Variants in LINGO1 observed in about 807,000 individuals in gnomAD.
LINGO1 encodes the protein leucine-rich repeat and immunoglobulin-like domain-containing nogo receptor-interacting protein 1.
LINGO1 carries 11 observed loss-of-function variants against 37.3 expected under a neutral mutation model. The ratio of observed to expected loss-of-function variants is 0.29; its 90% CI spans 0.19 to 0.49. The LOEUF is 0.49. LINGO1 is among the 20% of genes least tolerant of loss of function. The pLI is 0.99. For synonymous variants in LINGO1, 387 were observed against 403.0 expected, an observed-to-expected ratio of 0.96 and a Z score of 0.48; for missense variants, 585 against 878.2, an observed-to-expected ratio of 0.67 and a Z score of 4.22.
intron 1 of LINGO1, among the ~76,000 whole-genome samples, chr15:77,784,120 C>G (rs1325752941): frequency 6.6e-6 from 1 of 152,248 alleles, no homozygotes; most frequent in African/African-American, 2.4e-5. Context: ...CTGTCAGGAC[C>G]CTCCTTTGGG....
chr15:77,799,628 TTC>T (rs1226769149), intron 1 of LINGO1, among the ~76,000 whole-genome samples: 1 of 152,158 alleles, frequency 6.6e-6, no homozygotes, highest in Admixed American at 6.5e-5. Flanking sequence ...TCCTTGCCCT[TTC>T]TCTCTCTCTT....
chr15:77,621,932 G>C (rs1389679910), intron 1 of LINGO1, among the ~76,000 whole-genome samples: 1 of 152,230 alleles, frequency 6.6e-6, no homozygotes, highest in Non-Finnish European at 1.5e-5. Context: ...ATGCGATCTG[G>C]CATGGAGGCG....
intron 1 of LINGO1, among the ~76,000 whole-genome samples, chr15:77,751,530 G>C (rs1421850210): frequency 1.3e-5 from 2 of 152,144 alleles, no homozygotes; most frequent in Non-Finnish European, 2.9e-5. Context: ...ATGGGGTAGG[G>C]GGGACACAGA....
chr15:77,818,709 T>A (rs777348337), intron 1 of LINGO1, among the ~76,000 whole-genome samples: 1 of 152,050 alleles, frequency 6.6e-6, no homozygotes, highest in Non-Finnish European at 1.5e-5. Flanking sequence ...TCCCAGGCCC[T>A]GGGCCTGGGA....
intron 1 of LINGO1, among the ~76,000 whole-genome samples, chr15:77,804,908 G>A (rs1044372845): frequency 2.0e-5 from 3 of 152,222 alleles, no homozygotes. Context: ...GGGGCCAAGG[G>A]AGCCCAAGGG....
intron 3 of LINGO1, among the ~76,000 whole-genome samples, chr15:77,658,519 C>T (rs1178873592): frequency 6.6e-6 from 1 of 152,192 alleles, no homozygotes; most frequent in African/African-American, 2.4e-5. Context: ...CAGCTCAAGG[C>T]CAGGGGAAGG....
intron 1 of LINGO1, among the ~76,000 whole-genome samples, chr15:77,742,754 C>T (rs1011330374): frequency 1.3e-5 from 2 of 152,184 alleles, no homozygotes; most frequent in Admixed American, 1.3e-4. Flanking sequence ...GTGTGCTGTC[C>T]AGGGAGAGTG....
At chr15:77,682,313 T>TGTGTGTGTGTGTGTGTGTGTG (rs755151935) in intron 2 of LINGO1, among the ~76,000 whole-genome samples, 2 of 146,186 alleles carry the variant, frequency 1.4e-5, no homozygotes, top group Non-Finnish European at 1.5e-5. Flanking sequence ...TGTGTGTGTG[T>TGTGTGTGTGTGTGTGTGTGTG]AGTGTCTCGT....
chr15:77,751,026 C>T (rs913562548), intron 1 of LINGO1, among the ~76,000 whole-genome samples: 19 of 152,206 alleles, frequency 1.2e-4, no homozygotes, highest in African/African-American at 3.6e-4. Flanking sequence ...GAGGGTATTC[C>T]GCGGACCATA....
At chr15:77,758,681 C>T (rs77222948) in intron 1 of LINGO1, among the ~76,000 whole-genome samples, 4,968 of 152,202 alleles carry the variant, frequency 0.033, 266 homozygotes, top group African/African-American at 0.11. Flanking sequence ...CATTGGCAAG[C>T]TGCTTACCCT....
intron 1 of LINGO1, among the ~76,000 whole-genome samples, chr15:77,765,846 TCAGCCATGGGG>T: frequency 6.6e-6 from 1 of 152,226 alleles, no homozygotes; most frequent in South Asian, 2.1e-4. Context: ...CCCAGGAAGA[TCAGCCATGGGG>T]CAGCCATGGT....
At chr15:77,678,895 T>A in intron 2 of LINGO1, among the ~76,000 whole-genome samples, 1 of 152,222 alleles carries the variant, frequency 6.6e-6, no homozygotes, top group African/African-American at 2.4e-5. Flanking sequence ...TTTTTGTTTT[T>A]TGTTTTTGTT....
intron 1 of LINGO1, among the ~76,000 whole-genome samples, chr15:77,765,024 C>A (rs990837395): frequency 6.6e-6 from 1 of 152,204 alleles, no homozygotes; most frequent in East Asian, 1.9e-4. Flanking sequence ...CTTTTCTGTG[C>A]ATAAATCCAC....
At chr15:77,686,755 C>T (rs914626460) in intron 2 of LINGO1, among the ~76,000 whole-genome samples, 5 of 152,206 alleles carry the variant, frequency 3.3e-5, no homozygotes, top group Admixed American at 1.3e-4. Flanking sequence ...CCTCCAGCAC[C>T]TCCATCTCCC....
At chr15:77,769,941 T>A (rs1220183735) in intron 1 of LINGO1, among the ~76,000 whole-genome samples, 1 of 152,182 alleles carries the variant, frequency 6.6e-6, no homozygotes, top group Non-Finnish European at 1.5e-5. Flanking sequence ...AGTGTGGTTT[T>A]GTGACTTGTC....
chr15:77,748,890 A>ATTTC (rs2076341663), intron 1 of LINGO1, among the ~76,000 whole-genome samples: 1 of 88,030 alleles, frequency 1.1e-5, no homozygotes, highest in Non-Finnish European at 2.2e-5. Context: ...TTATTTATTT[A>ATTTC]TTTTCCTTCC....
At chr15:77,744,854 G>A (rs1040299116) in intron 1 of LINGO1, among the ~76,000 whole-genome samples, 1 of 152,182 alleles carries the variant, frequency 6.6e-6, no homozygotes, top group Middle Eastern at 3.4e-3. Flanking sequence ...AGTGGCTCAC[G>A]CCTGTAATCC....
intron 1 of LINGO1, among the ~76,000 whole-genome samples, chr15:77,620,044 G>A (rs903590915): frequency 2.6e-5 from 4 of 152,196 alleles, no homozygotes; most frequent in African/African-American, 9.7e-5. Context: ...GTCATCTAGG[G>A]ATGCTGGCAG....
At chr15:77,664,870 T>C (rs1035048488) in intron 3 of LINGO1, among the ~76,000 whole-genome samples, 1 of 152,194 alleles carries the variant, frequency 6.6e-6, no homozygotes, top group East Asian at 1.9e-4. Context: ...GCAGGGGCTC[T>C]TGTACACACA....
Sources: gnomAD v4.1 joint callset for allele counts (sites outside exome capture counted in the v4.1 genomes callset) on GRCh38, gnomAD v4.1.1 for gene constraint, MANE v1.5 for transcripts, NCBI Gene and HGNC (gene_info 2026-07-23, HGNC 2026-07-21) for gene names.